Variants in BUD13 observed in about 807,000 individuals in gnomAD.
BUD13 encodes BUD13 homolog.
BUD13 carries 47 observed loss-of-function variants against 62.5 expected under a neutral mutation model. That is an observed-to-expected ratio of 0.75 (90% confidence interval 0.60 to 0.96). BUD13 has a LOEUF of 0.96. BUD13 is among the 40% of genes least tolerant of loss of function. BUD13 has a pLI of 0.00. For synonymous variants in BUD13, 293 were observed against 280.1 expected (o/e 1.05, Z -0.46); for missense variants, 821 against 790.9 (o/e 1.04, Z -0.46).
chr11:116,759,175 G>A lies in BUD13; in HGVS notation c.1259C>T (p.Ala420Val). The change falls in exon 6 of 10, where the codon GCA becomes GTA. Residue 420 changes from alanine to valine, a missense_variant. By Grantham distance (64) the Ala-to-Val change is moderately conservative. Coordinates refer to ENST00000260210, the MANE Select transcript of BUD13 (RefSeq NM_032725.4). ...RRSQPPGKKA[A>V]HMYSGAKTGL... ...AGTTTTAGCCCCAGAATACATGTGT[G>A]CAGCCTATGCAACGGAAAAGGGAGC... 6.2e-7 allele frequency: 1 copy of A among 1,612,944 alleles called. No homozygotes were observed. Among genetic ancestry groups the A allele is most frequent in the Non-Finnish European group, 8.5e-7 (1 of 1,178,974 alleles).
chr11:116,749,954 T>C (rs57950207), intron 9 of BUD13, among the ~76,000 whole-genome samples: 7,548 of 152,050 alleles, frequency 0.05, 265 homozygotes, highest in Admixed American at 0.1. Context: ...AGCACAAGAG[T>C]AGGAGCAGGC....
Position 116,757,882 on chromosome 11 carries a change from G to A in BUD13, c.1568C>T (p.Ala523Val). The A allele has an allele frequency of 6.2e-7, 1 of 1,614,136 alleles. No homozygotes were observed. Residue 523 changes from alanine (A) to valine (V), a missense_variant, in exon 8 of 10, where the codon GCC becomes GTC. By Grantham distance (64) the Ala-to-Val change is moderately conservative. This residue lies in a region of BUD13 where 800 missense variants were observed against 739.2 expected (regional missense o/e 1.08). Coordinates refer to ENST00000260210, the MANE Select transcript of BUD13 (RefSeq NM_032725.4). ...CAGATCTTCGTCATCAATATAGCGG[G>A]CCAGAGGCTTTTGCATCTCTTTCAT... The part of the protein sequence containing the change: ...DAMKEMQKPL[A>V]RYIDDEDLDR...
chr11:116,770,615 C>T (rs1367278190), intron 1 of BUD13, among the ~76,000 whole-genome samples: 3 of 152,046 alleles, frequency 2.0e-5, no homozygotes, highest in Non-Finnish European at 4.4e-5. Context: ...CTGCCTCAGC[C>T]TCCTGAGTAG....
chr11:116,768,613 T>C (rs1349151790), intron 2 of BUD13, among the ~76,000 whole-genome samples: 2 of 152,200 alleles, frequency 1.3e-5, no homozygotes, highest in Non-Finnish European at 2.9e-5. Context: ...ATTGTTAATA[T>C]TTACTTCTTC....
At chr11:116,759,272 C>T in intron 5 of BUD13, 93 bp from the exon 6 acceptor site, 2 of 794,118 alleles carry the variant, frequency 2.5e-6, no homozygotes, top group Non-Finnish European at 4.3e-6. Context: ...TGTCTAATGA[C>T]CAGCAATAAT....
chr11:116,751,350 C>A (rs988853904), intron 9 of BUD13, among the ~76,000 whole-genome samples: 1 of 152,082 alleles, frequency 6.6e-6, no homozygotes, highest in Non-Finnish European at 1.5e-5. Context: ...GAAGCTTGGC[C>A]GGACATGGTG....
chr11:116,748,635 A>G, intron 9 of BUD13, 60 bp from the exon 10 acceptor site: 2 of 1,478,622 alleles, frequency 1.4e-6, no homozygotes, highest in Non-Finnish European at 1.9e-6. Context: ...TTGTTTCAAA[A>G]GAAAGGGAAG....
rs1322878859 is a variant in BUD13, at chr11:116,762,740, G to T, written c.849C>A (p.Pro283=). 3.1e-6 allele frequency: 5 copies of T among 1,614,154 alleles called. No individual in the cohort carries two copies. Among genetic ancestry groups the T allele is most frequent in the African/African-American group, 1.3e-5 (1 of 75,028 alleles). Residue 283 remains proline, a synonymous_variant, in exon 4 of 10, where the codon CCC becomes CCA. Coordinates refer to ENST00000260210, the MANE Select transcript of BUD13 (RefSeq NM_032725.4). ...CTGGGGCTTTACCACTTTTGGTTCT[G>T]GGCAGGGAATAAGTGACATTAGGAG... The part of the protein sequence containing the change: ...DLAPNVTYSL[P]RTKSGKAPER...
intron 4 of BUD13, among the ~76,000 whole-genome samples, chr11:116,762,061 T>C (rs1027064280): frequency 6.6e-6 from 1 of 152,248 alleles, no homozygotes; most frequent in Non-Finnish European, 1.5e-5. Flanking sequence ...GGAAAATGGT[T>C]AAATTTGTAA....
rs758556791 is a variant in BUD13 at position 116,762,598 on chromosome 11, G to A, written c.991C>T (p.Gln331Ter). The change falls in exon 4 of 10, where the codon CAA (glutamine) becomes TAA (stop). Residue 331 changes from glutamine (Q) to a stop codon, truncating the protein, a stop_gained. Transcript: ENST00000260210. LOFTEE classifies it high-confidence loss of function. The stretch of plus-strand genomic sequence containing the variant: ...TTGTCTCCAAAATGGGATTTTGCTT[G>A]CTTTTTTCGTGGAGGAGAGATGTCA... The part of the protein sequence containing the change: ...DPDISPPRKK[Q>*]AKSHFGDKKQ... 1 of 1,612,928 alleles carries A rather than the reference G, an allele frequency of 6.2e-7. No individual in the cohort carries two copies. Among genetic ancestry groups the A allele is most frequent in the Non-Finnish European group, 8.5e-7 (1 of 1,179,674 alleles).
chr11:116,757,088 A>T, intron 9 of BUD13, 58 bp downstream of exon 9: 1 of 1,505,644 alleles, frequency 6.6e-7, no homozygotes, highest in Non-Finnish European at 9.2e-7. Flanking sequence ...GGAGCAACTT[A>T]CGAGTGGTTA....
chr11:116,770,303 G>A, intron 1 of BUD13, 81 bp from the exon 2 acceptor site: 1 of 1,269,840 alleles, frequency 7.9e-7, no homozygotes, highest in Non-Finnish European at 1.1e-6. Flanking sequence ...TTAAAATAAA[G>A]TTCAAAATCC....
chr11:116,751,047 T>C (rs1022306428), intron 9 of BUD13, among the ~76,000 whole-genome samples: 1 of 152,192 alleles, frequency 6.6e-6, no homozygotes, highest in Non-Finnish European at 1.5e-5. Context: ...GCTCCCACAT[T>C]TCATCCGTTA....
At chr11:116,765,575 T>G in intron 2 of BUD13, 129 bp from the exon 3 acceptor site, 2 of 889,728 alleles carry the variant, frequency 2.2e-6, no homozygotes, top group South Asian at 1.5e-5. Context: ...AAAATGGTCA[T>G]GAAGAAGTAA....
At position 116,763,151 on chromosome 11, in the gene BUD13, G is replaced by A. The variant is rs1228146120; in HGVS notation, c.438C>T (p.Asp146=). 13 of 1,605,888 alleles carry A rather than the reference G, an allele frequency of 8.1e-6. No individual in the cohort carries two copies. The highest frequency in any genetic ancestry group is 1.1e-5 in the Non-Finnish European group (13 of 1,174,770). ...PDPSPRKDRH[D]TPDPSPRRAR... The stretch of plus-strand genomic sequence containing the variant: ...CCCTCCTAGGAGATGGATCCGGGGT[G>A]TCATGACGGTCCTTCCTAGGAGATG... Residue 146 remains aspartate, a synonymous_variant, in exon 4 of 10, where the codon GAC becomes GAT. Transcript: ENST00000260210.
chr11:116,769,460 G>C (rs1940585045), intron 2 of BUD13, among the ~76,000 whole-genome samples: 1 of 152,116 alleles, frequency 6.6e-6, no homozygotes, highest in Admixed American at 6.5e-5. Flanking sequence ...CTTAGTTAAA[G>C]CACTGAAAAA....
intron 9 of BUD13, among the ~76,000 whole-genome samples, chr11:116,749,975 A>C (rs868467218): frequency 7.9e-5 from 12 of 152,212 alleles, no homozygotes; most frequent in African/African-American, 2.7e-4. Context: ...TTACAGTAGA[A>C]GCTGATGAGT....
intron 8 of BUD13, among the ~76,000 whole-genome samples, 159 bp from the exon 9 acceptor site, chr11:116,757,386 C>G (rs1940345861): frequency 6.6e-6 from 1 of 152,126 alleles, no homozygotes; most frequent in South Asian, 2.1e-4. Context: ...ACCTCTGCCT[C>G]CTGGGTTCAA....
chr11:116,760,150 TAC>T (rs1331598079), intron 5 of BUD13, among the ~76,000 whole-genome samples: 1 of 152,242 alleles, frequency 6.6e-6, no homozygotes, highest in African/African-American at 2.4e-5. Context: ...AAGCTCTGGA[TAC>T]AGAGACCTAT....
Sources: allele counts gnomAD v4.1 joint callset (sites outside exome capture counted in the v4.1 genomes callset), GRCh38; gene constraint gnomAD v4.1.1; regional missense constraint gnomAD v4.1.1; transcripts MANE v1.5; gene names NCBI Gene and HGNC (gene_info 2026-07-23, HGNC 2026-07-21).